The following EXOC6B variants were observed in gnomAD, a reference collection of about 807,000 sequenced individuals.
The protein encoded by EXOC6B is exocyst complex component 6B.
A neutral mutation model predicts 113.5 loss-of-function variants in EXOC6B; 54 were observed. That is an observed-to-expected ratio of 0.48 (90% CI 0.38 to 0.60). The LOEUF is 0.60. Ranked by LOEUF, EXOC6B falls within the 20% of genes least tolerant of loss-of-function variation. The pLI is 0.00. For missense variants in EXOC6B, 797 were observed against 977.5 expected (o/e 0.82, Z 2.46); for synonymous variants, 357 against 339.0 (o/e 1.05, Z -0.58).
intron 20 of EXOC6B, among the ~76,000 whole-genome samples, chr2:72,256,254 C>T (rs1019043263): frequency 5.9e-5 from 9 of 152,112 alleles, no homozygotes; most frequent in Non-Finnish European, 1.2e-4. Context: ...TTGACTGTGG[C>T]CTCCAGAACG....
chr2:72,705,382 A>C (rs1021400811), intron 6 of EXOC6B, among the ~76,000 whole-genome samples: 61 of 152,232 alleles, frequency 4.0e-4, no homozygotes, highest in African/African-American at 1.4e-3. Flanking sequence ...ACTGAATGGG[A>C]AAAAACTGGA....
intron 5 of EXOC6B, 145 bp downstream of exon 5, chr2:72,730,862 T>G (rs1056759126): frequency 1.8e-6 from 1 of 555,746 alleles, no homozygotes; most frequent in Non-Finnish European, 3.1e-6. Flanking sequence ...TATAAATAAA[T>G]CTAGAATGAA....
chr2:72,765,425 C>A (rs1008545085), intron 1 of EXOC6B, among the ~76,000 whole-genome samples: 1 of 152,312 alleles, frequency 6.6e-6, no homozygotes, highest in South Asian at 2.1e-4. Flanking sequence ...ATAATCCCAG[C>A]ACTTTGGGAG....
intron 20 of EXOC6B, among the ~76,000 whole-genome samples, chr2:72,259,458 C>T (rs1006121890): frequency 1.3e-5 from 2 of 152,212 alleles, no homozygotes; most frequent in Admixed American, 6.5e-5. Context: ...GATCTTTCAT[C>T]TTCTTTAAAT....
In EXOC6B at chr2:72,576,708, C is replaced by G. The variant is rs189115764; in HGVS notation, c.670-1040G>C. ...CTTATAGATATGCAAGGCACACTAA[C>G]AGAATAAAAGCTGGGAGAAGTCCTA... On this transcript the variant is annotated intron_variant, in intron 6 of 21. Transcript: ENST00000272427. 3.3e-5 allele frequency among the ~76,000 whole-genome samples: 5 copies of G among 152,226 alleles called. No individual in the cohort carries two copies. In the East Asian group the frequency reaches 9.6e-4, roughly 29 times the overall value.
chr2:72,215,379 T>C (rs1680456240), intron 20 of EXOC6B, among the ~76,000 whole-genome samples: 1 of 152,164 alleles, frequency 6.6e-6, no homozygotes, highest in African/African-American at 2.4e-5. Flanking sequence ...ATGGATCTTC[T>C]CCTTCACATT....
intron 6 of EXOC6B, among the ~76,000 whole-genome samples, chr2:72,644,125 A>G (rs920646266): frequency 6.6e-6 from 1 of 152,218 alleles, no homozygotes; most frequent in African/African-American, 2.4e-5. Flanking sequence ...GCTGAAAACC[A>G]TGGCACGAGA....
chr2:72,732,374 C>T (rs1244382539), intron 3 of EXOC6B, among the ~76,000 whole-genome samples: 15 of 151,962 alleles, frequency 9.9e-5, no homozygotes, highest in Admixed American at 9.2e-4. Flanking sequence ...GTTGCCCAAG[C>T]TGGTCTCAAA....
At chr2:72,501,794 C>CT (rs1700335487) in intron 11 of EXOC6B, among the ~76,000 whole-genome samples, 1 of 148,874 alleles carries the variant, frequency 6.7e-6, no homozygotes, top group East Asian at 2.0e-4. Flanking sequence ...GGGTTTCACT[C>CT]TGTCACCCAG....
chr2:72,675,725 T>C (rs1676249866), intron 6 of EXOC6B, among the ~76,000 whole-genome samples: 2 of 151,828 alleles, frequency 1.3e-5, no homozygotes, highest in Non-Finnish European at 2.9e-5. Context: ...GCCTGGGAGG[T>C]TACGGCTGCA....
intron 20 of EXOC6B, among the ~76,000 whole-genome samples, chr2:72,319,556 C>T (rs938894607): frequency 6.6e-6 from 1 of 152,174 alleles, no homozygotes; most frequent in Admixed American, 6.5e-5. Context: ...TGAGATTCAA[C>T]ATCAACGTAC....
chr2:72,620,954 T>A (rs145706744), intron 6 of EXOC6B, among the ~76,000 whole-genome samples: 2,413 of 152,244 alleles, frequency 0.016, 36 homozygotes, highest in Non-Finnish European at 0.024. Context: ...CACAATGAGA[T>A]ACCATCTTAT....
At chr2:72,311,193 G>T (rs1687166030) in intron 20 of EXOC6B, among the ~76,000 whole-genome samples, 1 of 152,174 alleles carries the variant, frequency 6.6e-6, no homozygotes. Context: ...TCATAGTTCT[G>T]CAGGTTAGAA....
chr2:72,236,827 C>T (rs988350879), intron 20 of EXOC6B, among the ~76,000 whole-genome samples: 2 of 152,042 alleles, frequency 1.3e-5, no homozygotes, highest in African/African-American at 4.8e-5. Context: ...GTTTCTCCTG[C>T]GCTGTCTCAG....
chr2:72,201,676 A>T (rs1183735925), intron 20 of EXOC6B, among the ~76,000 whole-genome samples: 1 of 152,194 alleles, frequency 6.6e-6, no homozygotes, highest in Non-Finnish European at 1.5e-5. Context: ...TCTTCTCTGA[A>T]TTGTAATGTT....
chr2:72,352,971 T>C (rs1205925682), intron 19 of EXOC6B, among the ~76,000 whole-genome samples: 2 of 152,068 alleles, frequency 1.3e-5, no homozygotes, highest in South Asian at 2.1e-4. Context: ...AAAAAATATA[T>C]TAAATGTACC....
At chr2:72,462,415 C>T (rs1168247786) in intron 18 of EXOC6B, 1 of 151,836 alleles carries the variant, frequency 6.6e-6, no homozygotes, top group African/African-American at 2.4e-5. Flanking sequence ...AATGTTTGAG[C>T]CTTGCCAAAA....
chr2:72,210,856 T>A (rs1052869609), intron 20 of EXOC6B, among the ~76,000 whole-genome samples: 76 of 152,230 alleles, frequency 5.0e-4, no homozygotes, highest in African/African-American at 1.8e-3. Context: ...AAAAGGTCAG[T>A]CGGCTGTGGA....
intron 20 of EXOC6B, among the ~76,000 whole-genome samples, chr2:72,207,282 C>T (rs1679895513): frequency 6.6e-6 from 1 of 152,130 alleles, no homozygotes; most frequent in Admixed American, 6.5e-5. Flanking sequence ...CATCTTTGTA[C>T]ATTTCTTCAA....
Sources: gnomAD v4.1 joint callset for allele counts (sites outside exome capture counted in the v4.1 genomes callset) on GRCh38, gnomAD v4.1.1 for gene constraint, MANE v1.5 for transcripts, NCBI Gene and HGNC (gene_info 2026-07-23, HGNC 2026-07-21) for gene names.